The following UNC13A variants were observed in gnomAD, a reference collection of about 807,000 sequenced individuals.
UNC13A encodes the protein unc-13 homolog A.
In UNC13A, 61 loss-of-function variants were observed where a neutral mutation model predicts 219.7. That is an observed-to-expected ratio of 0.28 (90% CI 0.23 to 0.34). The LOEUF is 0.34. Among genes scored for constraint, UNC13A ranks in the 10% least tolerant of loss-of-function variants. UNC13A has a pLI of 1.00. For synonymous variants in UNC13A, 920 were observed against 884.6 expected, an observed-to-expected ratio of 1.04 and a Z score of -0.71; for missense variants, 1,476 against 2,270.3, an observed-to-expected ratio of 0.65 and a Z score of 7.11.
intron 35 of UNC13A, among the ~76,000 whole-genome samples, 197 bp downstream of exon 35, chr19:17,624,632 G>A (rs1219517492): frequency 6.6e-6 from 1 of 152,064 alleles, no homozygotes; most frequent in Non-Finnish European, 1.5e-5. Flanking sequence ...TAACCCCTGT[G>A]TGAACTCTCT....
intron 43 of UNC13A, among the ~76,000 whole-genome samples, chr19:17,607,201 T>C (rs2076541049): frequency 6.6e-6 from 1 of 152,174 alleles, no homozygotes. Context: ...CCAGGCCCCC[T>C]AGATAATACC....
At chr19:17,644,845 C>G (rs1462882605) in intron 19 of UNC13A, among the ~76,000 whole-genome samples, 3 of 151,242 alleles carry the variant, frequency 2.0e-5, no homozygotes, top group African/African-American at 7.3e-5. Flanking sequence ...GTGAGTGTCA[C>G]CCTGCCTAGC....
intron 11 of UNC13A, among the ~76,000 whole-genome samples, chr19:17,653,213 T>C (rs1799724294): frequency 6.6e-6 from 1 of 151,742 alleles, no homozygotes; most frequent in African/African-American, 2.4e-5. Context: ...AAAGACAGGG[T>C]CTTGCTATAT....
Position 17,674,576 on chromosome 19 carries a change from G to T in UNC13A, c.152+81C>A. On this transcript the variant is annotated intron_variant, in intron 3 of 43. Transcript: ENST00000519716. The surrounding 1 kb of genome is among the most constrained non-coding windows in gnomAD (Gnocchi z 5.0). The stretch of plus-strand genomic sequence containing the variant: ...GAGGGGAGTCACCCGGGATTCCCCA[G>T]TGTCCAGCTCTGCCCTGAGGGGCCA... The T allele has an allele frequency of 7.8e-7, 1 of 1,280,222 alleles. No individual in the cohort carries two copies. 79.3% of individuals were successfully genotyped at this position (1,280,222 alleles called of 1,614,324 possible).
chr19:17,623,335 G>T (rs2076748560), intron 36 of UNC13A: 1 of 504,354 alleles, frequency 2.0e-6, no homozygotes, highest in African/African-American at 2.0e-5. Context: ...GTGGGACAGG[G>T]AGGGTGGGCG....
At chr19:17,647,530 C>G (rs2077040329) in intron 16 of UNC13A, 38 bp from the exon 17 acceptor site, 1 of 1,586,950 alleles carries the variant, frequency 6.3e-7, no homozygotes, top group Non-Finnish European at 8.6e-7. Context: ...CCCAGCGCGC[C>G]CTGCATAGTG....
At chr19:17,682,779 C>A (rs1174035814) in intron 1 of UNC13A, among the ~76,000 whole-genome samples, 2 of 152,078 alleles carry the variant, frequency 1.3e-5, no homozygotes, top group Non-Finnish European at 2.9e-5. Context: ...GAAAGCAATC[C>A]TGGCTGGGCA....
At position 17,673,909 on chromosome 19, in the gene UNC13A, G is replaced by A. The variant is rs60914261; in HGVS notation, c.152+748C>T. The stretch of plus-strand genomic sequence containing the variant: ...GCTTGTAATCCCAGCTAGTTGGGAG[G>A]CTGAGGCAGGAGGATCACTTGAACC... On this transcript the variant is annotated intron_variant, in intron 3 of 43. Coordinates refer to ENST00000519716, the MANE Select transcript of UNC13A (RefSeq NM_001080421.3). Among the ~76,000 whole-genome samples, 971 of 152,228 alleles carry A rather than the reference G, an allele frequency of 6.4e-3. 15 individuals carry two copies. The highest frequency in any genetic ancestry group is 0.022 in the African/African-American group (930 of 41,538).
intron 1 of UNC13A, among the ~76,000 whole-genome samples, chr19:17,685,391 C>T (rs936925640): frequency 6.6e-6 from 1 of 152,114 alleles, no homozygotes; most frequent in African/African-American, 2.4e-5. Flanking sequence ...CAAAGTTTCA[C>T]CATGTTGGCC....
chr19:17,650,052 A>G (rs2079314628), intron 12 of UNC13A, among the ~76,000 whole-genome samples: 1 of 152,148 alleles, frequency 6.6e-6, no homozygotes, highest in Non-Finnish European at 1.5e-5. Context: ...CTGTGAGAGA[A>G]TACATTGCTG....
chr19:17,650,289 G>GTT (rs2079319569), intron 12 of UNC13A, among the ~76,000 whole-genome samples: 1 of 152,002 alleles, frequency 6.6e-6, no homozygotes, highest in African/African-American at 2.4e-5. Flanking sequence ...CGAGGCGGGC[G>GTT]GATCACCTGA....
intron 25 of UNC13A, among the ~76,000 whole-genome samples, chr19:17,637,036 G>C (rs2076919318): frequency 6.6e-6 from 1 of 150,566 alleles, no homozygotes; most frequent in East Asian, 2.0e-4. Flanking sequence ...GAGCGCAGTG[G>C]TGCAATCATG....
At chr19:17,619,107 A>G (rs868752007) in intron 38 of UNC13A, 145 bp from the exon 39 acceptor site, 1 of 721,896 alleles carries the variant, frequency 1.4e-6, no homozygotes, top group Non-Finnish European at 2.4e-6. Context: ...TTCCCCAGGA[A>G]GAACTGAGGA....
chr19:17,623,915 C>T (rs112331129), intron 35 of UNC13A, among the ~76,000 whole-genome samples: 8 of 152,226 alleles, frequency 5.3e-5, no homozygotes, highest in African/African-American at 1.9e-4. Context: ...AGATTATGGC[C>T]TCTGGTCTAT....
At position 17,623,512 on chromosome 19, in the gene UNC13A, A is replaced by AGAAAGACG. The variant is rs1568506995; in HGVS notation, c.4203+29_4203+30insCGTCTTTC. 5.2e-6 allele frequency: 8 copies of AGAAAGACG among 1,526,150 alleles called. 1 individual carries two copies. The South Asian group carries it at 9.8e-5, about 19-fold the overall frequency. 94.5% of individuals were successfully genotyped at this position (1,526,150 alleles called of 1,614,324 possible). ...GAGTCCAGACACAGAGAGGACGGAC[A>AGAAAGACG]GACAGACGGACAGACGGGACTCTAC... On this transcript the variant is annotated intron_variant, in intron 36 of 43. Coordinates refer to ENST00000519716, the MANE Select transcript of UNC13A (RefSeq NM_001080421.3).
intron 23 of UNC13A, 135 bp downstream of exon 23, chr19:17,639,705 A>G: frequency 8.5e-7 from 1 of 1,173,476 alleles, no homozygotes; most frequent in Non-Finnish European, 1.2e-6. Context: ...GTGCCCATGC[A>G]GGTGCACACA....
In UNC13A at chr19:17,605,995, G is replaced by A. The variant is rs2076520925; in HGVS notation, c.*59C>T. 1.3e-5 allele frequency: 18 copies of A among 1,368,162 alleles called. No homozygotes were observed. In the South Asian group the frequency reaches 1.4e-4, roughly 10 times the overall value. The allele number at this position is 1,368,162 out of a possible 1,614,324, so 84.8% of individuals were successfully genotyped here. On this transcript the variant is annotated 3_prime_UTR_variant, in exon 44 of 44. Coordinates refer to ENST00000519716, the MANE Select transcript of UNC13A (RefSeq NM_001080421.3). ...GAGGTCCCACCAAGGCGCAAGCCCC[G>A]TCCCTCCCCGCCCAGCGCCCTCCGC...
chr19:17,680,577 CTGCGGGACACCCCT>C, intron 1 of UNC13A, among the ~76,000 whole-genome samples: 1 of 152,128 alleles, frequency 6.6e-6, no homozygotes, highest in East Asian at 1.9e-4. Flanking sequence ...GGAGTTCAGG[CTGCGGGACACCCCT>C]GCAGCCTGGC....
chr19:17,650,337 A>C lies in UNC13A; in HGVS notation c.1440-750T>G, dbSNP rs1396762289. Among the ~76,000 whole-genome samples, 4 of 152,064 alleles carry C rather than the reference A, an allele frequency of 2.6e-5. No individual in the cohort carries two copies. The East Asian group carries it at 5.9e-4, about 22-fold the overall frequency. On this transcript the variant is annotated intron_variant, in intron 12 of 43. Coordinates refer to ENST00000519716, the MANE Select transcript of UNC13A (RefSeq NM_001080421.3). ...GAGACCAGCCTGACCAACATGGTGAAACCCCGTCTCTACTAAAAATACAAA... is the reference window on the plus strand; with the variant it reads ...GAGACCAGCCTGACCAACATGGTGACACCCCGTCTCTACTAAAAATACAAA...
Sources: gnomAD v4.1 joint callset for allele counts (sites outside exome capture counted in the v4.1 genomes callset) on GRCh38, gnomAD v4.1.1 for gene constraint, Gnocchi (gnomAD v3.1) non-coding constraint, MANE v1.5 for transcripts, NCBI Gene and HGNC (gene_info 2026-07-23, HGNC 2026-07-21) for gene names.